The following CACNA2D1 variants were observed in gnomAD, a reference collection of about 807,000 sequenced individuals.
CACNA2D1 encodes the protein calcium voltage-gated channel auxiliary subunit alpha2delta 1.
CACNA2D1 carries 53 observed loss-of-function variants against 171.5 expected under a neutral mutation model. The ratio of observed to expected loss-of-function variants is 0.31; its 90% CI spans 0.25 to 0.39. The LOEUF (loss-of-function observed/expected upper bound fraction) is 0.39, where lower values mean the gene tolerates loss of function less well. Among genes scored for constraint, CACNA2D1 ranks in the 10% least tolerant of loss-of-function variants. The pLI, the probability that CACNA2D1 is intolerant of heterozygous loss-of-function variation, is 1.00. For missense variants in CACNA2D1, 903 were observed against 1,299.8 expected, an observed-to-expected ratio of 0.69 and a Z score of 4.69; for synonymous variants, 442 against 443.1, an observed-to-expected ratio of 1.00 and a Z score of 0.03.
intron 3 of CACNA2D1, among the ~76,000 whole-genome samples, chr7:82,171,331 C>T (rs1267608593): frequency 6.6e-6 from 1 of 151,936 alleles, no homozygotes; most frequent in African/African-American, 2.4e-5. Context: ...TTCCCCTATT[C>T]CAATAGCTTT....
intron 12 of CACNA2D1, among the ~76,000 whole-genome samples, chr7:82,020,525 G>A (rs1801058473): frequency 6.6e-6 from 1 of 152,066 alleles, no homozygotes; most frequent in African/African-American, 2.4e-5. Flanking sequence ...AGCTCTGTAA[G>A]TATTAGCTAT....
chr7:81,954,600 C>T (rs1215473272), intron 38 of CACNA2D1, among the ~76,000 whole-genome samples: 2 of 152,064 alleles, frequency 1.3e-5, no homozygotes, highest in Non-Finnish European at 2.9e-5. Flanking sequence ...GCATACAGTA[C>T]AAGCTTAATA....
chr7:82,070,306 A>C (rs1334050068), intron 7 of CACNA2D1, among the ~76,000 whole-genome samples: 1 of 152,222 alleles, frequency 6.6e-6, no homozygotes, highest in Non-Finnish European at 1.5e-5. Context: ...CCCGAATAAA[A>C]CTTTTAACCT....
intron 1 of CACNA2D1, among the ~76,000 whole-genome samples, chr7:82,421,111 A>G (rs1828677479): frequency 6.6e-6 from 1 of 152,162 alleles, no homozygotes; most frequent in Non-Finnish European, 1.5e-5. Flanking sequence ...TTTATTATGC[A>G]CCACTGATCT....
At chr7:82,357,674 A>G (rs1276345812) in intron 1 of CACNA2D1, among the ~76,000 whole-genome samples, 1 of 147,032 alleles carries the variant, frequency 6.8e-6, no homozygotes, top group Non-Finnish European at 1.5e-5. Context: ...AATGGGAACT[A>G]TACCACAGAG....
Position 82,428,096 on chromosome 7 carries a change from T to TA in CACNA2D1, c.95+15268dup, listed in dbSNP as rs755677228. On this transcript the variant is annotated intron_variant, in intron 1 of 38. Coordinates refer to ENST00000356860, the MANE Select transcript of CACNA2D1 (RefSeq NM_000722.4). ...GAGCAAGATCTTGTCTTTAAAAAAATAAAAAATAAATAAAAAAAAAACAAA... is the reference window on the plus strand; with the variant it reads ...GAGCAAGATCTTGTCTTTAAAAAAATAAAAAAATAAATAAAAAAAAAACAAA... 2.3e-3 allele frequency among the ~76,000 whole-genome samples: 295 copies of TA among 127,398 alleles called. 3 individuals carry two copies. The highest frequency in any genetic ancestry group is 0.011 in the African/African-American group (244 of 22,824). 83.6% of individuals were successfully genotyped at this position (127,398 alleles called of 152,430 possible).
rs79309697 is a variant in CACNA2D1 at position 82,070,459 on chromosome 7, G to T, written c.659-3935C>A. On this transcript the variant is annotated intron_variant, in intron 7 of 38. Coordinates refer to ENST00000356860, the MANE Select transcript of CACNA2D1 (RefSeq NM_000722.4). ...AACAGGCTAAGTTGCGCAGGGTGTG[G>T]AGAGTGGTAGTGCATGGATAGATTC... Among the ~76,000 whole-genome samples, 15 of 152,302 alleles carry T rather than the reference G, an allele frequency of 9.8e-5. No individual in the cohort carries two copies. In the East Asian group the frequency reaches 2.7e-3, roughly 27 times the overall value.
At chr7:82,275,484 G>A (rs1005130381) in intron 3 of CACNA2D1, among the ~76,000 whole-genome samples, 3 of 152,116 alleles carry the variant, frequency 2.0e-5, no homozygotes, top group African/African-American at 7.2e-5. Flanking sequence ...CAGATTGCTC[G>A]CTGATTCTAT....
intron 12 of CACNA2D1, among the ~76,000 whole-genome samples, chr7:82,024,500 T>A (rs983814596): frequency 2.0e-5 from 3 of 151,770 alleles, no homozygotes; most frequent in Admixed American, 1.3e-4. Flanking sequence ...ATTAGAGATG[T>A]TTTGCTCTTG....
rs905688378 is a variant in CACNA2D1, at chr7:82,005,922, T to A, written c.1441-83A>T. ...AATTATCATATGATCATCTTTTGCT[T>A]GCATTATGGTTATATTCCACATTAG... On this transcript the variant is annotated intron_variant, in intron 16 of 38. Transcript: ENST00000356860. The A allele has an allele frequency of 1.6e-5, 13 of 836,342 alleles. No homozygotes were observed. In the South Asian group the frequency reaches 1.7e-4, roughly 11 times the overall value. 51.8% of individuals were successfully genotyped at this position (836,342 alleles called of 1,614,324 possible).
chr7:82,356,034 T>C (rs1319972697), intron 1 of CACNA2D1, among the ~76,000 whole-genome samples: 1 of 152,096 alleles, frequency 6.6e-6, no homozygotes, highest in African/African-American at 2.4e-5. Flanking sequence ...CATACCATCT[T>C]ATCCCTCCTC....
At chr7:82,347,408 T>A (rs913167485) in intron 2 of CACNA2D1, among the ~76,000 whole-genome samples, 3 of 152,172 alleles carry the variant, frequency 2.0e-5, no homozygotes, top group Non-Finnish European at 4.4e-5. Flanking sequence ...TGTAAAAAGC[T>A]AATTGTACCC....
intron 28 of CACNA2D1, 147 bp downstream of exon 28, chr7:81,969,734 T>C (rs1238635142): frequency 1.6e-6 from 1 of 623,484 alleles, no homozygotes; most frequent in Non-Finnish European, 2.9e-6. Flanking sequence ...TTTTCTATTT[T>C]CCTAATGCCT....
intron 34 of CACNA2D1, 126 bp downstream of exon 34, chr7:81,963,930 G>T: frequency 2.7e-6 from 2 of 752,718 alleles, no homozygotes; most frequent in South Asian, 3.1e-5. Context: ...GTGATGTAAA[G>T]AATGAAAACA....
chr7:81,965,222 G>T (rs927186163), intron 32 of CACNA2D1, among the ~76,000 whole-genome samples: 1 of 151,940 alleles, frequency 6.6e-6, no homozygotes, highest in African/African-American at 2.4e-5. Flanking sequence ...CCTATGTGCT[G>T]CTCATTTGCA....
intron 1 of CACNA2D1, among the ~76,000 whole-genome samples, chr7:82,406,609 A>G (rs777564626): frequency 2.0e-5 from 3 of 152,128 alleles, no homozygotes; most frequent in Non-Finnish European, 2.9e-5. Context: ...ATGGTATCTC[A>G]TTGTGGTTTT....
At chr7:82,024,432 T>C (rs544820107) in intron 12 of CACNA2D1, among the ~76,000 whole-genome samples, 6 of 151,868 alleles carry the variant, frequency 4.0e-5, no homozygotes, top group African/African-American at 1.4e-4. Flanking sequence ...AGCTATTGGC[T>C]ACCTCTATGT....
chr7:81,994,689 AT>A (rs770806598), intron 20 of CACNA2D1, among the ~76,000 whole-genome samples, 178 bp downstream of exon 20: 1 of 152,076 alleles, frequency 6.6e-6, no homozygotes, highest in East Asian at 1.9e-4. Flanking sequence ...AGGGTTAAAA[AT>A]ATATCTTAGT....
At chr7:82,064,398 C>A in intron 8 of CACNA2D1, 44 bp from the exon 9 acceptor site, 2 of 1,401,298 alleles carry the variant, frequency 1.4e-6, no homozygotes, top group South Asian at 2.3e-5. Flanking sequence ...TCCAAAATAT[C>A]AAACACTGAT....
Sources: gnomAD v4.1 joint callset for allele counts (sites outside exome capture counted in the v4.1 genomes callset) on GRCh38, gnomAD v4.1.1 for gene constraint, MANE v1.5 for transcripts, NCBI Gene and HGNC (gene_info 2026-07-23, HGNC 2026-07-21) for gene names.